The following CHRM3 variants were observed in gnomAD, a reference collection of about 807,000 sequenced individuals.
The protein encoded by CHRM3 is cholinergic receptor muscarinic 3.
A neutral mutation model predicts 41.8 loss-of-function variants in CHRM3; 11 were observed. The ratio of observed to expected loss-of-function variants is 0.26; its 90% CI spans 0.17 to 0.44. The LOEUF (loss-of-function observed/expected upper bound fraction) is 0.44. Ranked by LOEUF, CHRM3 falls within the 20% of genes least tolerant of loss-of-function variation. The pLI, the probability that CHRM3 is intolerant of heterozygous loss-of-function variation, is 1.00. For missense variants in CHRM3, 571 were observed against 745.4 expected (o/e 0.77, Z 2.72); for synonymous variants, 297 against 301.4 (o/e 0.99, Z 0.15).
intron 1 of CHRM3, among the ~76,000 whole-genome samples, chr1:239,421,659 C>T (rs954539081): frequency 8.5e-5 from 13 of 152,076 alleles, no homozygotes; most frequent in Admixed American, 3.9e-4. Context: ...CTTAAATTGA[C>T]CTTTATTACA....
intron 1 of CHRM3, among the ~76,000 whole-genome samples, chr1:239,454,622 AC>A: frequency 1.3e-5 from 2 of 152,192 alleles, no homozygotes; most frequent in Middle Eastern, 6.8e-3. Context: ...ACACTGGGGC[AC>A]CCTGGCAACA....
intron 2 of CHRM3, among the ~76,000 whole-genome samples, chr1:239,540,637 C>A (rs1158338349): frequency 6.6e-6 from 1 of 152,162 alleles, no homozygotes; most frequent in Non-Finnish European, 1.5e-5. Context: ...AAATAAGTTA[C>A]CTACAAACAC....
At chr1:239,411,720 C>CAA (rs1161775399) in intron 1 of CHRM3, among the ~76,000 whole-genome samples, 468 of 46,726 alleles carry the variant, frequency 0.01, 78 homozygotes, top group African/African-American at 0.018. Flanking sequence ...GCCTCTGTCT[C>CAA]AAAAAAAAAA....
At chr1:239,761,455 A>G (rs1372191061) in intron 5 of CHRM3, among the ~76,000 whole-genome samples, 4 of 152,218 alleles carry the variant, frequency 2.6e-5, no homozygotes, top group Middle Eastern at 3.4e-3. Flanking sequence ...TTGATACCAG[A>G]TATTTTGAGT....
At chr1:239,634,816 G>T (rs1421833497) in intron 4 of CHRM3, among the ~76,000 whole-genome samples, 1 of 152,134 alleles carries the variant, frequency 6.6e-6, no homozygotes, top group Non-Finnish European at 1.5e-5. Flanking sequence ...AAATCTTTTG[G>T]CTGGAAAATA....
intron 6 of CHRM3, among the ~76,000 whole-genome samples, chr1:239,877,886 C>A (rs1024997016): frequency 8.8e-5 from 13 of 148,320 alleles, no homozygotes; most frequent in African/African-American, 2.5e-4. Context: ...CACTTTATTT[C>A]TTTCTTTTTT....
At chr1:239,705,543 G>A (rs923375687) in intron 5 of CHRM3, 7 of 152,132 alleles carry the variant, frequency 4.6e-5, no homozygotes, top group African/African-American at 1.4e-4. Flanking sequence ...TCCTTGGTTT[G>A]TAGATGAATC....
At chr1:239,532,571 G>A (rs1266554525) in intron 2 of CHRM3, among the ~76,000 whole-genome samples, 1 of 149,538 alleles carries the variant, frequency 6.7e-6, no homozygotes, top group Non-Finnish European at 1.5e-5. Flanking sequence ...GTTGCAGTGA[G>A]TCGAGGTCAC....
At chr1:239,478,878 T>A (rs1350692168) in intron 1 of CHRM3, among the ~76,000 whole-genome samples, 4 of 152,082 alleles carry the variant, frequency 2.6e-5, no homozygotes. Context: ...CTATGGTTTT[T>A]CACAAATTAA....
chr1:239,460,157 G>A (rs948110750), intron 1 of CHRM3, among the ~76,000 whole-genome samples: 5 of 152,170 alleles, frequency 3.3e-5, no homozygotes, highest in African/African-American at 1.2e-4. Context: ...AACAGGAGAC[G>A]CGCTGGACAT....
chr1:239,673,122 G>T (rs1008548355), intron 4 of CHRM3, among the ~76,000 whole-genome samples: 5 of 152,142 alleles, frequency 3.3e-5, no homozygotes, highest in Non-Finnish European at 7.3e-5. Context: ...GCTTCCCGGA[G>T]CTGGAGAACG....
intron 4 of CHRM3, among the ~76,000 whole-genome samples, chr1:239,650,628 C>T (rs1050406087): frequency 6.6e-6 from 1 of 151,908 alleles, no homozygotes; most frequent in Non-Finnish European, 1.5e-5. Context: ...ACAATGTGGC[C>T]CAGGACAAGC....
At chr1:239,790,759 A>G (rs1669277057) in intron 5 of CHRM3, among the ~76,000 whole-genome samples, 1 of 152,164 alleles carries the variant, frequency 6.6e-6, no homozygotes, top group African/African-American at 2.4e-5. Context: ...CTTTTACAGA[A>G]TATTAGTTCC....
rs1331141727 is a variant in CHRM3, at chr1:239,908,353, A to G, written c.902A>G (p.Lys301Arg). 6.2e-7 allele frequency: 1 copy of G among 1,614,096 alleles called. No homozygotes were observed. The highest frequency in any genetic ancestry group is 8.5e-7 in the Non-Finnish European group (1 of 1,180,038). ...TACGAACTTCAACAGCAAAGCATGA[A>G]ACGCTCCAACAGGAGGAAGTATGGC... ...SSYELQQQSM[K>R]RSNRRKYGRC... The change falls in exon 7 of 7, where the codon AAA becomes AGA. Residue 301 changes from lysine to arginine, a missense_variant. This residue lies in a region of CHRM3 where 239 missense variants were observed against 239.6 expected (regional missense o/e 1.00). Coordinates refer to ENST00000676153, the MANE Select transcript of CHRM3 (RefSeq NM_001375978.1). The surrounding 1 kb of genome is among the most constrained non-coding windows in gnomAD (Gnocchi z 7.2).
At chr1:239,469,794 T>G (rs1665990925) in intron 1 of CHRM3, among the ~76,000 whole-genome samples, 2 of 152,104 alleles carry the variant, frequency 1.3e-5, no homozygotes, top group African/African-American at 4.8e-5. Context: ...TGACCTCAGG[T>G]GATTCGCCCG....
At chr1:239,834,733 G>C (rs1673173834) in intron 6 of CHRM3, among the ~76,000 whole-genome samples, 1 of 152,084 alleles carries the variant, frequency 6.6e-6, no homozygotes, top group African/African-American at 2.4e-5. Flanking sequence ...AAATACAGTA[G>C]CATGGCTTAC....
intron 1 of CHRM3, among the ~76,000 whole-genome samples, chr1:239,450,068 T>C (rs1664452933): frequency 6.6e-6 from 1 of 152,210 alleles, no homozygotes; most frequent in Admixed American, 6.5e-5. Context: ...TTGCACGTTG[T>C]TGCCTTTGTC....
chr1:239,469,571 A>G (rs952776882), intron 1 of CHRM3, among the ~76,000 whole-genome samples: 4 of 152,086 alleles, frequency 2.6e-5, no homozygotes, highest in Non-Finnish European at 5.9e-5. Context: ...TTTATTTTTT[A>G]ATGAAGATGG....
chr1:239,680,917 A>G (rs564375943), intron 5 of CHRM3, among the ~76,000 whole-genome samples: 1 of 152,222 alleles, frequency 6.6e-6, no homozygotes, highest in Non-Finnish European at 1.5e-5. Flanking sequence ...AAGACTGGGA[A>G]GAAAAAGGGG....
Sources: gnomAD v4.1 joint callset for allele counts (sites outside exome capture counted in the v4.1 genomes callset) on GRCh38, gnomAD v4.1.1 for gene constraint, gnomAD v4.1.1 regional missense constraint, Gnocchi (gnomAD v3.1) non-coding constraint, MANE v1.5 for transcripts, NCBI Gene and HGNC (gene_info 2026-07-23, HGNC 2026-07-21) for gene names.